GGA1: variants seen among roughly 807,000 people sequenced by gnomAD.
GGA1 encodes ADP-ribosylation factor-binding protein GGA1.
In GGA1, 18 loss-of-function variants were observed where a neutral mutation model predicts 76.9. The ratio of observed to expected loss-of-function variants is 0.23; its 90% CI spans 0.16 to 0.35. The LOEUF (loss-of-function observed/expected upper bound fraction) is 0.35, where lower values mean the gene tolerates loss of function less well. Ranked by LOEUF, GGA1 falls within the 10% of genes least tolerant of loss-of-function variation. The probability of loss-of-function intolerance (pLI) is 1.00; values close to 1 mark genes in which losing one functional copy is unlikely to be tolerated. For synonymous variants in GGA1, 342 were observed against 354.7 expected (o/e 0.96, Z 0.40); for missense variants, 755 against 859.0 (o/e 0.88, Z 1.51).
Position 37,620,370 on chromosome 22 carries a change from C to T in GGA1, c.427+9C>T. ...GATGCTAAAGAAGCAGGGTGAGGCA[C>T]ACAGAGGGTGGGGGGCGACCAGGGC... is the stretch of plus-strand genomic sequence containing the variant. On this transcript the variant is annotated intron_variant, in intron 5 of 16. Transcript: ENST00000343632. 1.2e-6 allele frequency: 2 copies of T among 1,613,838 alleles called. No individual in the cohort carries two copies. The highest frequency in any genetic ancestry group is 1.7e-6 in the Non-Finnish European group (2 of 1,179,896).
intron 6 of GGA1, 122 bp from the exon 7 acceptor site, chr22:37,621,494 A>G: frequency 1.5e-6 from 1 of 648,820 alleles, no homozygotes; most frequent in South Asian, 1.8e-5. Context: ...ACCATTTCAC[A>G]GAGAGCTTAA....
chr22:37,623,542 C>T lies in GGA1; in HGVS notation c.751-10C>T. 1 of 1,612,578 alleles carries T rather than the reference C, an allele frequency of 6.2e-7. No individual in the cohort carries two copies. The highest frequency in any genetic ancestry group is 1.1e-5 in the South Asian group (1 of 91,032). ...CGCGGACCCTGACCCGCCCATCCTGCTGCCCTCAGGAACTGTACCAGCGCT... is the reference window on the plus strand; with the variant it reads ...CGCGGACCCTGACCCGCCCATCCTGTTGCCCTCAGGAACTGTACCAGCGCT... On this transcript the variant is annotated splice_polypyrimidine_tract_variant and intron_variant, in intron 8 of 16. Coordinates refer to ENST00000343632, the MANE Select transcript of GGA1 (RefSeq NM_013365.5). This position sits in a 1 kb window ranked among gnomAD's most constrained non-coding sequence, Gnocchi z 4.6.
chr22:37,614,330 C>G, intron 2 of GGA1, 56 bp downstream of exon 2: 1 of 1,234,920 alleles, frequency 8.1e-7, no homozygotes, highest in Non-Finnish European at 1.2e-6. Context: ...AACCCAGTCT[C>G]GGGTACAATG....
At chr22:37,622,108 T>A (rs931608016) in intron 7 of GGA1, among the ~76,000 whole-genome samples, 5 of 152,088 alleles carry the variant, frequency 3.3e-5, no homozygotes, top group Admixed American at 2.0e-4. Context: ...AGACAAGGAC[T>A]CACTCTCTAG....
chr22:37,609,624 C>T (rs1034751288), intron 1 of GGA1, among the ~76,000 whole-genome samples: 5 of 152,142 alleles, frequency 3.3e-5, no homozygotes, highest in Admixed American at 1.3e-4. Context: ...TCTTGTTTCT[C>T]CTCAGACGTA....
chr22:37,617,080 A>G, intron 3 of GGA1, 83 bp downstream of exon 3: 1 of 1,549,662 alleles, frequency 6.5e-7, no homozygotes, highest in East Asian at 2.5e-5. Flanking sequence ...TGGGGTCCAT[A>G]AGGCTCTTCA....
At position 37,624,729 on chromosome 22, in the gene GGA1, G is replaced by A. The variant is rs1930491581; in HGVS notation, c.833-240G>A. 2.1e-6 allele frequency: 1 copy of A among 472,252 alleles called. No individual in the cohort carries two copies. Among genetic ancestry groups the A allele is most frequent in the Non-Finnish European group, 3.9e-6 (1 of 256,318 alleles). The allele number at this position is 472,252 out of a possible 1,614,324, so 29.3% of individuals were successfully genotyped here. A position where few individuals can be genotyped will look rare whatever the true frequency, so the allele number is the denominator to read the frequency against. ...CTGGAGTGGAGGCCTGGAGGCGGGAGCGGGCCCAGTGTGTTGAGACAGCCC... is the reference window on the plus strand; with the variant it reads ...CTGGAGTGGAGGCCTGGAGGCGGGAACGGGCCCAGTGTGTTGAGACAGCCC... On this transcript the variant is annotated intron_variant, in intron 9 of 16. Transcript: ENST00000343632. This position sits in a 1 kb window ranked among gnomAD's most constrained non-coding sequence, Gnocchi z 4.3.
At chr22:37,608,924 CG>C (rs768685377) in intron 1 of GGA1, 21 bp downstream of exon 1, 17 of 1,317,540 alleles carry the variant, frequency 1.3e-5, no homozygotes, top group Non-Finnish European at 1.6e-5. Context: ...GGGAGGGGCG[CG>C]GGCCGGACCG....
Position 37,620,944 on chromosome 22 carries a change from T to C in GGA1, c.528+31T>C, listed in dbSNP as rs1305734776. On this transcript the variant is annotated intron_variant, in intron 6 of 16. Coordinates refer to ENST00000343632, the MANE Select transcript of GGA1 (RefSeq NM_013365.5). The stretch of plus-strand genomic sequence containing the variant: ...ACTCCAAGGAGGCACATATGGGGAC[T>C]CTGAGCCCAGGTGGGGGTCCGTGGG... 13 of 1,372,054 alleles carry C rather than the reference T, an allele frequency of 9.5e-6. No homozygotes were observed. In the Admixed American group the frequency reaches 2.0e-4, roughly 21 times the overall value. The allele number at this position is 1,372,054 out of a possible 1,614,324, so 85.0% of individuals were successfully genotyped here. A position where few individuals can be genotyped will look rare whatever the true frequency, so the allele number is the denominator to read the frequency against.
rs1930605055 is a variant in GGA1 at position 37,625,236 on chromosome 22, T to C, written c.940+160T>C. Among the ~76,000 whole-genome samples, 1 of 151,858 alleles carries C rather than the reference T, an allele frequency of 6.6e-6. No homozygotes were observed. Among genetic ancestry groups the C allele is most frequent in the Non-Finnish European group, 1.5e-5 (1 of 67,948 alleles). ...CCCAGGGAGGGAGCTGGGGGTGAAG[T>C]CTGTGCCAAGCCTGCAGCTGTGGGG... On this transcript the variant is annotated intron_variant, in intron 10 of 16. Transcript: ENST00000343632. The surrounding 1 kb of genome is among the most constrained non-coding windows in gnomAD (Gnocchi z 4.1).
chr22:37,623,188 C>T lies in GGA1; in HGVS notation c.610-139C>T, dbSNP rs576758563. ...CATGAGGGGCTCCTGGCAGGGCCTG[C>T]TGGAGCCCCACCCAGAGTGTGATCC... On this transcript the variant is annotated intron_variant, in intron 7 of 16. Transcript: ENST00000343632. The surrounding 1 kb of genome is among the most constrained non-coding windows in gnomAD (Gnocchi z 4.6). 2.7e-5 allele frequency: 23 copies of T among 837,492 alleles called. No homozygotes were observed. In the African/African-American group the frequency reaches 3.2e-4, roughly 12 times the overall value. The allele number at this position is 837,492 out of a possible 1,614,324, so 51.9% of individuals were successfully genotyped here.
At position 37,629,509 on chromosome 22, in the gene GGA1, G is replaced by A. The variant is rs377214761; in HGVS notation, c.1141G>A (p.Gly381Arg). Residue 381 changes from glycine to arginine, a missense_variant, in exon 12 of 17, where the codon GGA becomes AGA. Gly to Arg is a moderately radical substitution (Grantham distance 125). Coordinates refer to ENST00000343632, the MANE Select transcript of GGA1 (RefSeq NM_013365.5). ...TTCAGGCCCAAGCCTGGATGGTACCGGATGGAACAGCTTCCAGGTAGGAGG... is the reference window on the plus strand; with the variant it reads ...TTCAGGCCCAAGCCTGGATGGTACCAGATGGAACAGCTTCCAGGTAGGAGG... Reference protein sequence around the residue: ...PPSGPSLDGTGWNSFQSSDAT... With the variant: ...PPSGPSLDGTRWNSFQSSDAT... 7.0e-6 allele frequency: 11 copies of A among 1,581,202 alleles called. No homozygotes were observed. The African/African-American group carries it at 1.4e-4, about 20-fold the overall frequency.
chr22:37,622,706 G>A (rs953166906), intron 7 of GGA1, among the ~76,000 whole-genome samples: 40 of 152,234 alleles, frequency 2.6e-4, no homozygotes, highest in African/African-American at 9.4e-4. Context: ...AAAGCTGGAT[G>A]TGGTGGCTCA....
In GGA1 at chr22:37,623,748, C is replaced by T. The variant is rs1601538815; in HGVS notation, c.832+115C>T. 1 of 731,306 alleles carries T rather than the reference C, an allele frequency of 1.4e-6. No homozygotes were observed. The highest frequency in any genetic ancestry group is 2.3e-6 in the Non-Finnish European group (1 of 429,518). The allele number at this position is 731,306 out of a possible 1,614,324, so 45.3% of individuals were successfully genotyped here. A position where few individuals can be genotyped will look rare whatever the true frequency, so the allele number is the denominator to read the frequency against. On this transcript the variant is annotated intron_variant, in intron 9 of 16. Transcript: ENST00000343632. This position sits in a 1 kb window ranked among gnomAD's most constrained non-coding sequence, Gnocchi z 4.6. The stretch of plus-strand genomic sequence containing the variant: ...GTTGGAAGGAGCCACCACCAGGGGG[C>T]CCCCTTCTCCAGCACCGACCTTGGG...
intron 6 of GGA1, 59 bp from the exon 7 acceptor site, chr22:37,621,557 A>G: frequency 2.8e-6 from 3 of 1,079,800 alleles, no homozygotes; most frequent in Non-Finnish European, 4.2e-6. Flanking sequence ...ATGTGACTCC[A>G]GTCTTCTGAC....
rs781002385 is a variant in GGA1 at position 37,618,556 on chromosome 22, C to T, written c.303+10C>T. ...GGTCGTGTCTCCCAAGGTTGGTGCCCCCAGCCCAAGCTCAGACCTGCCCTG... is the reference window on the plus strand; with the variant it reads ...GGTCGTGTCTCCCAAGGTTGGTGCCTCCAGCCCAAGCTCAGACCTGCCCTG... On this transcript the variant is annotated intron_variant, in intron 4 of 16. Coordinates refer to ENST00000343632, the MANE Select transcript of GGA1 (RefSeq NM_013365.5). 1.9e-6 allele frequency: 3 copies of T among 1,562,912 alleles called. No homozygotes were observed. The highest frequency in any genetic ancestry group is 4.5e-5 in the East Asian group (2 of 44,566).
At chr22:37,617,857 C>T (rs1015442852) in intron 3 of GGA1, 3 of 741,858 alleles carry the variant, frequency 4.0e-6, no homozygotes, top group Non-Finnish European at 4.9e-6. Context: ...GCTGGTGGCT[C>T]ACGCCTGTAA....
chr22:37,621,743 T>C (rs370627329), intron 7 of GGA1, 47 bp downstream of exon 7: 1 of 1,290,502 alleles, frequency 7.7e-7, no homozygotes, highest in Non-Finnish European at 1.1e-6. Context: ...ATGGGGGTAT[T>C]GAGCTGGGCC....
At position 37,633,008 on chromosome 22, in the gene GGA1, G is replaced by A. The variant is rs1374335602; in HGVS notation, c.*297G>A. ...CTTGGAAGAACTTGGGTCATGGGGA[G>A]GAAGCACAGCTGTTGGGGAAGGGCC... On this transcript the variant is annotated 3_prime_UTR_variant, in exon 17 of 17. Transcript: ENST00000343632. 5.0e-6 allele frequency: 2 copies of A among 401,460 alleles called. No homozygotes were observed. Among genetic ancestry groups the A allele is most frequent in the African/African-American group, 2.0e-5 (1 of 49,732 alleles). The allele number at this position is 401,460 out of a possible 1,614,324, so 24.9% of individuals were successfully genotyped here. A position where few individuals can be genotyped will look rare whatever the true frequency, so the allele number is the denominator to read the frequency against.
Sources: gnomAD v4.1 joint callset for allele counts (sites outside exome capture counted in the v4.1 genomes callset) on GRCh38, gnomAD v4.1.1 for gene constraint, Gnocchi (gnomAD v3.1) non-coding constraint, MANE v1.5 for transcripts, NCBI Gene and HGNC (gene_info 2026-07-23, HGNC 2026-07-21) for gene names.